The following BIRC6 variants were observed in gnomAD, a reference collection of about 807,000 sequenced individuals.
BIRC6 encodes the protein dual E2 ubiquitin-conjugating enzyme/E3 ubiquitin-protein ligase BIRC6.
In BIRC6, 98 loss-of-function variants were observed where a neutral mutation model predicts 503.3. The ratio of observed to expected loss-of-function variants is 0.19; its 90% CI spans 0.17 to 0.23. The LOEUF (loss-of-function observed/expected upper bound fraction) is 0.23, where lower values mean the gene tolerates loss of function less well. Among genes scored for constraint, BIRC6 ranks in the 10% least tolerant of loss-of-function variants. The pLI is 1.00. For synonymous variants in BIRC6, 2,240 were observed against 2,078.7 expected, an observed-to-expected ratio of 1.08 and a Z score of -2.11; for missense variants, 5,360 against 5,806.0, an observed-to-expected ratio of 0.92 and a Z score of 2.50.
intron 8 of BIRC6, among the ~76,000 whole-genome samples, chr2:32,403,977 G>C (rs1346745080): frequency 1.3e-5 from 2 of 148,976 alleles, no homozygotes; most frequent in African/African-American, 2.5e-5. Flanking sequence ...GCCCAGGTTA[G>C]AGTGCAGTGG....
chr2:32,369,926 T>TA lies in BIRC6; in HGVS notation c.326-7642dup, dbSNP rs756693528. Reference sequence around the variant, plus strand: ...GGCAACATAGTGAGACCCTGTCTCTTAAAAAAAAAAAAAAAAAAAATATAT... The same window carrying TA: ...GGCAACATAGTGAGACCCTGTCTCTTAAAAAAAAAAAAAAAAAAAAATATAT... On this transcript the variant is annotated intron_variant, in intron 1 of 73. Coordinates refer to ENST00000421745, the MANE Select transcript of BIRC6 (RefSeq NM_016252.4). 8.6e-3 allele frequency among the ~76,000 whole-genome samples: 324 copies of TA among 37,714 alleles called. 8 individuals carry two copies. The highest frequency in any genetic ancestry group is 0.012 in the Admixed American group (35 of 2,848). The allele number at this position is 37,714 out of a possible 152,430, so 24.7% of individuals were successfully genotyped here.
chr2:32,501,724 T>C lies in BIRC6; in HGVS notation c.9043T>C (p.Leu3015=). ...TTTATTTTTCTTAGGAGCAAGTGGA[T>C]TACATCTCACTAAACATGAAAACTT... ...AMAMIIGASG[L]HLTKHENFHG... Residue 3015 remains leucine (L), a synonymous_variant, in exon 47 of 74, where the codon TTA becomes CTA. Transcript: ENST00000421745. The C allele has an allele frequency of 6.2e-7, 1 of 1,610,028 alleles. No homozygotes were observed. The highest frequency in any genetic ancestry group is 8.5e-7 in the Non-Finnish European group (1 of 1,178,728).
rs1486120813 is a variant in BIRC6, at chr2:32,505,086, C to G, written c.9581C>G (p.Ser3194Cys). Residue 3194 changes from serine (S) to cysteine (C), a missense_variant, in exon 50 of 74, where the codon TCT (serine) becomes TGT (cysteine). Physicochemically the swap from Ser to Cys is moderately radical, Grantham distance 112 (BLOSUM62 -1). Coordinates refer to ENST00000421745, the MANE Select transcript of BIRC6 (RefSeq NM_016252.4). Reference sequence around the variant, plus strand: ...ACACCTCCTCACAGAAGAGCTCGCTCTGCTGCTTGGTCCTACATCTTTCTT... The same window carrying G: ...ACACCTCCTCACAGAAGAGCTCGCTGTGCTGCTTGGTCCTACATCTTTCTT... ...QATPPHRRAR[S>C]AAWSYIFLPE... 1.2e-6 allele frequency: 2 copies of G among 1,612,972 alleles called. No individual in the cohort carries two copies. Among genetic ancestry groups the G allele is most frequent in the Admixed American group, 1.7e-5 (1 of 59,928 alleles).
intron 29 of BIRC6, 151 bp from the exon 30 acceptor site, chr2:32,469,244 C>T (rs1224878516): frequency 1.6e-6 from 1 of 635,350 alleles, no homozygotes; most frequent in East Asian, 2.9e-5. Flanking sequence ...TAACAGATTT[C>T]TACATACAAG....
intron 12 of BIRC6, among the ~76,000 whole-genome samples, chr2:32,431,759 G>T (rs552188484): frequency 6.6e-6 from 1 of 152,184 alleles, no homozygotes; most frequent in Non-Finnish European, 1.5e-5. Context: ...TTTAATAAAA[G>T]CAGGCACTCT....
chr2:32,498,474 C>G (rs964056291), intron 45 of BIRC6, among the ~76,000 whole-genome samples: 2 of 152,164 alleles, frequency 1.3e-5, no homozygotes, highest in African/African-American at 4.8e-5. Context: ...AGTGTAGTTT[C>G]AGTTCCTTTC....
chr2:32,611,410 G>A (rs775063507), intron 72 of BIRC6, 38 bp from the exon 73 acceptor site: 9 of 1,558,860 alleles, frequency 5.8e-6, no homozygotes, highest in South Asian at 1.2e-5. Flanking sequence ...AAATTTGACT[G>A]TAAACACTGC....
intron 61 of BIRC6, among the ~76,000 whole-genome samples, chr2:32,534,396 C>T (rs1356600453): frequency 7.1e-6 from 1 of 141,062 alleles, no homozygotes; most frequent in Non-Finnish European, 1.5e-5. Context: ...AAAAAAGAGA[C>T]ACTGCAGATT....
chr2:32,571,620 G>A (rs753855655), intron 65 of BIRC6, among the ~76,000 whole-genome samples: 10 of 151,734 alleles, frequency 6.6e-5, no homozygotes, highest in Non-Finnish European at 1.3e-4. Flanking sequence ...TTCTGATTCT[G>A]TTTATTTGGA....
chr2:32,519,143 T>C (rs1453108159), intron 57 of BIRC6, 197 bp downstream of exon 57: 2 of 513,000 alleles, frequency 3.9e-6, no homozygotes, highest in East Asian at 7.0e-5. Flanking sequence ...GCACCCCTAA[T>C]TTTTTGGTTT....
intron 6 of BIRC6, among the ~76,000 whole-genome samples, chr2:32,399,972 T>A (rs2040421034): frequency 6.6e-6 from 1 of 151,908 alleles, no homozygotes; most frequent in African/African-American, 2.4e-5. Flanking sequence ...TATTTTTATT[T>A]TTTGTAGCAA....
At chr2:32,476,131 A>T (rs1198758000) in intron 33 of BIRC6, 82 bp from the exon 34 acceptor site, 2 of 1,015,602 alleles carry the variant, frequency 2.0e-6, no homozygotes, top group Non-Finnish European at 2.8e-6. Context: ...CATTAGTTTG[A>T]TGTATGAATT....
At chr2:32,483,896 GTTGTCTTCTGGGCTTCT>G (rs2050692681) in intron 39 of BIRC6, among the ~76,000 whole-genome samples, 1 of 152,184 alleles carries the variant, frequency 6.6e-6, no homozygotes, top group East Asian at 1.9e-4. Context: ...TGATGAATGA[GTTGTCTTCTGGGCTTCT>G]CCCTTGTAAA....
chr2:32,614,423 C>T (rs770592952), intron 73 of BIRC6, among the ~76,000 whole-genome samples: 7 of 152,222 alleles, frequency 4.6e-5, no homozygotes, highest in African/African-American at 7.2e-5. Flanking sequence ...TGCTTATATC[C>T]GCATTCCTTT....
intron 22 of BIRC6, among the ~76,000 whole-genome samples, chr2:32,449,977 T>C (rs565256639): frequency 3.3e-5 from 5 of 152,324 alleles, no homozygotes; most frequent in African/African-American, 1.2e-4. Flanking sequence ...TCTATCCAAG[T>C]GATGCATCAA....
chr2:32,383,741 A>G (rs566348741), intron 3 of BIRC6, among the ~76,000 whole-genome samples: 9 of 152,142 alleles, frequency 5.9e-5, no homozygotes, highest in African/African-American at 2.2e-4. Context: ...TGTGTTGGCC[A>G]GGCTGGTCTT....
intron 65 of BIRC6, chr2:32,557,370 T>C (rs1486857187): frequency 6.6e-6 from 1 of 152,242 alleles, no homozygotes; most frequent in Non-Finnish European, 1.5e-5. Context: ...GTATTTTATA[T>C]GTACTCTTAG....
chr2:32,391,927 C>T (rs1460246990), intron 4 of BIRC6, 112 bp from the exon 5 acceptor site: 1 of 664,308 alleles, frequency 1.5e-6, no homozygotes, highest in South Asian at 2.4e-5. Context: ...TTCATCAGAC[C>T]ATTTGCAGTT....
At chr2:32,440,973 C>A (rs1384586837) in intron 16 of BIRC6, among the ~76,000 whole-genome samples, 2 of 151,986 alleles carry the variant, frequency 1.3e-5, no homozygotes, top group Admixed American at 1.3e-4. Context: ...GTTGGTCAGG[C>A]TGTTCTCGAA....
Sources: allele counts gnomAD v4.1 joint callset (sites outside exome capture counted in the v4.1 genomes callset), GRCh38; gene constraint gnomAD v4.1.1; transcripts MANE v1.5; gene names NCBI Gene and HGNC (gene_info 2026-07-23, HGNC 2026-07-21).